Variants in CENPP observed in about 807,000 individuals in gnomAD.
CENPP encodes centromere protein P.
In CENPP, 24 loss-of-function variants were observed where a neutral mutation model predicts 35.6. The ratio of observed to expected loss-of-function variants is 0.67; its 90% CI spans 0.49 to 0.95. The LOEUF is 0.95. CENPP is among the 40% of genes least tolerant of loss of function. The pLI, the probability that CENPP is intolerant of heterozygous loss-of-function variation, is 0.00. For missense variants in CENPP, 332 were observed against 345.3 expected (o/e 0.96, Z 0.31); for synonymous variants, 120 against 125.5 (o/e 0.96, Z 0.29).
At chr9:92,573,942 T>C (rs1850216336) in intron 5 of CENPP, among the ~76,000 whole-genome samples, 1 of 152,136 alleles carries the variant, frequency 6.6e-6, no homozygotes, top group Non-Finnish European at 1.5e-5. Context: ...GCTAAGACCG[T>C]TGGAAAAGCA....
intron 4 of CENPP, among the ~76,000 whole-genome samples, chr9:92,371,242 A>G (rs1171349762): frequency 6.6e-6 from 1 of 152,178 alleles, no homozygotes; most frequent in African/African-American, 2.4e-5. Context: ...GGATGTCAGC[A>G]TTTATTGCTA....
At chr9:92,600,195 A>G (rs1162172864) in intron 5 of CENPP, 1 of 978,700 alleles carries the variant, frequency 1.0e-6, no homozygotes, top group Non-Finnish European at 1.4e-6. Flanking sequence ...CTTTTCAACC[A>G]TGTTTAGCTT....
rs1845649708 is a variant in CENPP at position 92,474,748 on chromosome 9, AT to A, written c.564+94890del. On this transcript the variant is annotated intron_variant, in intron 5 of 7. Transcript: ENST00000375587. ...TTGGAAAAAGAGAGTTGTCCTCATC[AT>A]CATCATCATCATCATCATCATCATC... 5.8e-6 allele frequency: 6 copies of A among 1,030,296 alleles called. No homozygotes were observed. In the African/African-American group the frequency reaches 7.2e-5, roughly 12 times the overall value. The allele number at this position is 1,030,296 out of a possible 1,614,324, so 63.8% of individuals were successfully genotyped here.
intron 5 of CENPP, chr9:92,510,125 A>G: frequency 1.4e-6 from 2 of 1,423,524 alleles, no homozygotes; most frequent in Non-Finnish European, 1.9e-6. Flanking sequence ...AGTCTCACAA[A>G]CCTATCCTTC....
rs529064487 is a variant in CENPP, at chr9:92,532,024, T to A, written c.565-79290T>A. ...TCTTTTTTTATTTAATGTTTTTTTT[T>A]TTTTATTTTATTTTTTTTTTGAGAT... On this transcript the variant is annotated intron_variant, in intron 5 of 7. Coordinates refer to ENST00000375587, the MANE Select transcript of CENPP (RefSeq NM_001012267.3). Among the ~76,000 whole-genome samples the A allele has an allele frequency of 5.1e-4, 66 of 129,054 alleles. 4 individuals carry two copies. Among genetic ancestry groups the A allele is most frequent in the South Asian group, 1.4e-3 (6 of 4,248 alleles). The allele number at this position is 129,054 out of a possible 152,430, so 84.7% of individuals were successfully genotyped here. A position where few individuals can be genotyped will look rare whatever the true frequency, so the allele number is the denominator to read the frequency against.
At chr9:92,399,173 G>A (rs1217171352) in intron 5 of CENPP, among the ~76,000 whole-genome samples, 3 of 152,050 alleles carry the variant, frequency 2.0e-5, no homozygotes, top group African/African-American at 7.2e-5. Flanking sequence ...CCTTCCTGCT[G>A]CCGTGTATGA....
At chr9:92,421,446 G>A (rs765883200) in intron 5 of CENPP, among the ~76,000 whole-genome samples, 5 of 152,168 alleles carry the variant, frequency 3.3e-5, no homozygotes, top group Admixed American at 6.5e-5. Flanking sequence ...GTCAGTGTTC[G>A]TGGGTGAAAA....
At chr9:92,347,995 C>T (rs994417609) in intron 4 of CENPP, among the ~76,000 whole-genome samples, 1 of 152,134 alleles carries the variant, frequency 6.6e-6, no homozygotes, top group Admixed American at 6.5e-5. Flanking sequence ...ATGATCTTGG[C>T]TCACTGCAAC....
In CENPP at chr9:92,616,069, A is replaced by C. The variant is rs980028064; in HGVS notation, c.*2920A>C. The C allele has an allele frequency of 4.4e-6, 7 of 1,601,944 alleles. No homozygotes were observed. The highest frequency in any genetic ancestry group is 6.0e-6 in the Non-Finnish European group (7 of 1,170,536). Reference sequence around the variant, plus strand: ...GCCTTTGATCAGAGCTGCAAGTAAAAAGTACCATTTCAGGATACACAAGCC... The same window carrying C: ...GCCTTTGATCAGAGCTGCAAGTAAACAGTACCATTTCAGGATACACAAGCC... On this transcript the variant is annotated 3_prime_UTR_variant, in exon 8 of 8. Coordinates refer to ENST00000375587, the MANE Select transcript of CENPP (RefSeq NM_001012267.3).
At chr9:92,462,063 C>T (rs1306575945) in intron 5 of CENPP, among the ~76,000 whole-genome samples, 1 of 152,010 alleles carries the variant, frequency 6.6e-6, no homozygotes, top group Non-Finnish European at 1.5e-5. Context: ...CTGCAGCCTC[C>T]GCCTCCCAGG....
intron 5 of CENPP, chr9:92,495,906 T>C: frequency 1.0e-6 from 1 of 985,012 alleles, no homozygotes; most frequent in Non-Finnish European, 1.2e-6. Flanking sequence ...CTGCCTGCTT[T>C]TTTTGTTGTC....
Position 92,430,772 on chromosome 9 carries a change from TTTGTTG to T in CENPP, c.564+50928_564+50933del, listed in dbSNP as rs529838846. On this transcript the variant is annotated intron_variant, in intron 5 of 7. Transcript: ENST00000375587. ...TCATTTTAGGACTATTATGGTTTCT[TTTGTTG>T]TTGTTGTTGTTGTTTTGTTTTTATT... Among the ~76,000 whole-genome samples, 14 of 152,004 alleles carry T rather than the reference TTTGTTG, an allele frequency of 9.2e-5. No individual in the cohort carries two copies. The South Asian group carries it at 2.5e-3, about 27-fold the overall frequency.
intron 3 of CENPP, among the ~76,000 whole-genome samples, chr9:92,341,400 A>T (rs1841113467): frequency 6.6e-6 from 1 of 152,030 alleles, no homozygotes; most frequent in South Asian, 2.1e-4. Flanking sequence ...TCCCTAATAA[A>T]AACTTGCTGG....
intron 5 of CENPP, among the ~76,000 whole-genome samples, chr9:92,471,494 C>T (rs1007036953): frequency 6.6e-6 from 1 of 151,850 alleles, no homozygotes; most frequent in Non-Finnish European, 1.5e-5. Context: ...CGCACCCAGC[C>T]GGGTCTTGAT....
chr9:92,349,508 A>G (rs1212858811), intron 4 of CENPP, among the ~76,000 whole-genome samples: 4 of 150,416 alleles, frequency 2.7e-5, no homozygotes, highest in Non-Finnish European at 5.9e-5. Context: ...GGTTCAAGTG[A>G]TTCTCCTGCC....
At chr9:92,418,800 C>T (rs146068481) in intron 5 of CENPP, among the ~76,000 whole-genome samples, 101 of 152,200 alleles carry the variant, frequency 6.6e-4, no homozygotes, top group African/African-American at 2.2e-3. Flanking sequence ...AAACTAACAG[C>T]ACCATCAAAT....
chr9:92,565,097 T>TC (rs1849933018), intron 5 of CENPP, among the ~76,000 whole-genome samples: 1 of 151,978 alleles, frequency 6.6e-6, no homozygotes, highest in Non-Finnish European at 1.5e-5. Flanking sequence ...GCACCAGGAA[T>TC]CTATCTCCCT....
intron 4 of CENPP, among the ~76,000 whole-genome samples, chr9:92,371,557 G>A (rs760433872): frequency 1.1e-4 from 17 of 152,112 alleles, no homozygotes; most frequent in African/African-American, 3.1e-4. Context: ...AACGTTCTAC[G>A]TTCTGATGAA....
chr9:92,522,105 G>A (rs1162356627), intron 5 of CENPP, among the ~76,000 whole-genome samples: 2 of 151,836 alleles, frequency 1.3e-5, no homozygotes, highest in Admixed American at 1.3e-4. Flanking sequence ...TTTTAATCTC[G>A]AGACGGAGTC....
Sources: allele counts gnomAD v4.1 joint callset (sites outside exome capture counted in the v4.1 genomes callset), GRCh38; gene constraint gnomAD v4.1.1; transcripts MANE v1.5; gene names NCBI Gene and HGNC (gene_info 2026-07-23, HGNC 2026-07-21).